The following NSMF variants were observed in gnomAD, a reference collection of about 807,000 sequenced individuals.
NSMF encodes the protein NMDA receptor synaptonuclear signaling and neuronal migration factor.
Under a neutral mutation model 71.0 loss-of-function variants are expected in NSMF, and 31 were observed. The observed-to-expected ratio is 0.44, with a 90% CI of 0.33 to 0.59. The LOEUF is 0.59. NSMF is among the 20% of genes least tolerant of loss of function. NSMF has a pLI of 0.04. For missense variants in NSMF, 673 were observed against 740.5 expected, an observed-to-expected ratio of 0.91 and a Z score of 1.06; for synonymous variants, 345 against 287.1, an observed-to-expected ratio of 1.20 and a Z score of -2.04.
intron 12 of NSMF, 67 bp downstream of exon 12, chr9:137,452,298 T>G: frequency 6.6e-7 from 1 of 1,513,746 alleles, no homozygotes; most frequent in Non-Finnish European, 9.1e-7. Context: ...CTTGACTTCT[T>G]CCCCTTGGTC....
rs368541435 is a variant in NSMF at position 137,453,891 on chromosome 9, G to A, written c.833-71C>T. On this transcript the variant is annotated intron_variant, in intron 7 of 15. Transcript: ENST00000371475. The surrounding 1 kb of genome is among the most constrained non-coding windows in gnomAD (Gnocchi z 4.5). ...TCGGGAGTCTCAGACCCCAGGCGAG[G>A]GGACCACAGGGGCCCTGGGCAGAGG... 86 of 1,286,854 alleles carry A rather than the reference G, an allele frequency of 6.7e-5. No individual in the cohort carries two copies. The highest frequency in any genetic ancestry group is 4.3e-4 in the East Asian group (17 of 39,764). The allele number at this position is 1,286,854 out of a possible 1,614,324, so 79.7% of individuals were successfully genotyped here.
At chr9:137,450,944 C>T (rs1431810461) in intron 12 of NSMF, among the ~76,000 whole-genome samples, 1 of 20,108 alleles carries the variant, frequency 5.0e-5, no homozygotes, top group Admixed American at 4.3e-4. Context: ...GCCTCTTCCC[C>T]TTGATCTTCC....
rs1263172322 is a variant in NSMF, at chr9:137,449,324, A to G, written c.*70T>C. 7.5e-7 allele frequency: 1 copy of G among 1,325,780 alleles called. No homozygotes were observed. Among genetic ancestry groups the G allele is most frequent in the Non-Finnish European group, 1.1e-6 (1 of 928,764 alleles). The allele number at this position is 1,325,780 out of a possible 1,614,324, so 82.1% of individuals were successfully genotyped here. A position where few individuals can be genotyped will look rare whatever the true frequency, so the allele number is the denominator to read the frequency against. Reference sequence around the variant, plus strand: ...GAGCCACACAGTCCCGGGGAGCACGAGGCGGCCCAGCCCCAGGTCCCGGTG... The same window carrying G: ...GAGCCACACAGTCCCGGGGAGCACGGGGCGGCCCAGCCCCAGGTCCCGGTG... On this transcript the variant is annotated 3_prime_UTR_variant, in exon 16 of 16. Coordinates refer to ENST00000371475, the MANE Select transcript of NSMF (RefSeq NM_001130969.3).
intron 7 of NSMF, 49 bp downstream of exon 7, chr9:137,454,342 C>A: frequency 6.5e-7 from 1 of 1,527,354 alleles, no homozygotes; most frequent in South Asian, 1.2e-5. Flanking sequence ...AAAGCCCCAA[C>A]CAGCCAAGCG....
Position 137,448,735 on chromosome 9 carries a change from C to G in NSMF, c.*659G>C, listed in dbSNP as rs1839729533. 6.4e-6 allele frequency: 1 copy of G among 155,384 alleles called. No individual in the cohort carries two copies. Among genetic ancestry groups the G allele is most frequent in the Non-Finnish European group, 1.4e-5 (1 of 70,166 alleles). The allele number at this position is 155,384 out of a possible 1,614,324, so 9.6% of individuals were successfully genotyped here. A position where few individuals can be genotyped will look rare whatever the true frequency, so the allele number is the denominator to read the frequency against. Reference sequence around the variant, plus strand: ...CAGACTGCCCCTACCGGGTCCGGCGCCGGCTGAGGTCTAAGTAAGCAGGGA... The same window carrying G: ...CAGACTGCCCCTACCGGGTCCGGCGGCGGCTGAGGTCTAAGTAAGCAGGGA... On this transcript the variant is annotated 3_prime_UTR_variant, in exon 16 of 16. Transcript: ENST00000371475. The surrounding 1 kb of genome is among the most constrained non-coding windows in gnomAD (Gnocchi z 5.3).
chr9:137,449,577 C>T (rs370767211), intron 15 of NSMF, 22 bp downstream of exon 15: 40 of 1,611,394 alleles, frequency 2.5e-5, no homozygotes, highest in Non-Finnish European at 3.1e-5. Context: ...TGCAGAGCTT[C>T]GGCCCAGCCT....
intron 6 of NSMF, chr9:137,454,766 T>G (rs1588504951): frequency 7.0e-7 from 1 of 1,419,460 alleles, no homozygotes; most frequent in Non-Finnish European, 9.3e-7. Flanking sequence ...TCCACGCCCA[T>G]GTGGCAGAGG....
chr9:137,457,557 T>TG lies in NSMF; in HGVS notation c.477dup (p.Ser160GlnfsTer32). The TG allele has an allele frequency of 6.3e-7, 1 of 1,589,102 alleles. No individual in the cohort carries two copies. The highest frequency in any genetic ancestry group is 8.6e-7 in the Non-Finnish European group (1 of 1,168,582). ...GGGCACTCCTTGGAGCCCTGGCGGC[T>TG]GCCCGCCCAGCTCTGGCAGGGCCTG... On this transcript the variant is annotated frameshift_variant, in exon 3 of 16. Transcript: ENST00000371475. LOFTEE classifies it high-confidence loss of function.
At position 137,456,457 on chromosome 9, in the gene NSMF, TG is replaced by T. The variant is rs770299644; in HGVS notation, c.657del (p.Lys220ArgfsTer38). On this transcript the variant is annotated frameshift_variant, in exon 4 of 16. Transcript: ENST00000371475. LOFTEE classifies it high-confidence loss of function. ...GTCTGGAAGCTGAAAAGATTTTCCT[TG>T]GGGAACCAGGTACGAATAGGGATGT... ...SDDIPIRTWF[P>X]KENLFSFQTA... The T allele has an allele frequency of 6.2e-7, 1 of 1,613,290 alleles. No individual in the cohort carries two copies. Among genetic ancestry groups the T allele is most frequent in the Non-Finnish European group, 8.5e-7 (1 of 1,179,752 alleles).
rs528661439 is a variant in NSMF at position 137,450,088 on chromosome 9, C to T, written c.1317-63G>A. On this transcript the variant is annotated intron_variant, in intron 13 of 15. Coordinates refer to ENST00000371475, the MANE Select transcript of NSMF (RefSeq NM_001130969.3). ...AGGCACCCCACTCCACAGAGCGGACCGTGGAGGAGGGGCTGTGGGGGAGGG... is the reference window on the plus strand; with the variant it reads ...AGGCACCCCACTCCACAGAGCGGACTGTGGAGGAGGGGCTGTGGGGGAGGG... The T allele has an allele frequency of 7.3e-5, 115 of 1,574,410 alleles. 2 individuals are homozygous for T. In the South Asian group the frequency reaches 7.8e-4, roughly 11 times the overall value.
Position 137,447,576 on chromosome 9 carries a change from A to G in NSMF, c.*1818T>C, listed in dbSNP as rs1839665452. 6.6e-6 allele frequency: 1 copy of G among 151,258 alleles called. No individual in the cohort carries two copies. Among genetic ancestry groups the G allele is most frequent in the South Asian group, 2.1e-4 (1 of 4,746 alleles). 9.4% of individuals were successfully genotyped at this position (151,258 alleles called of 1,614,324 possible). A position where few individuals can be genotyped will look rare whatever the true frequency, so the allele number is the denominator to read the frequency against. On this transcript the variant is annotated 3_prime_UTR_variant, in exon 16 of 16. Transcript: ENST00000371475. Reference sequence around the variant, plus strand: ...AACACAGAGTCTACAGGCATTTGGTATTTACCTAAAACTTTATACACTCAA... The same window carrying G: ...AACACAGAGTCTACAGGCATTTGGTGTTTACCTAAAACTTTATACACTCAA...
At chr9:137,458,916 C>T (rs1353516943) in intron 1 of NSMF, 116 bp downstream of exon 1, 9 of 802,564 alleles carry the variant, frequency 1.1e-5, no homozygotes, top group Non-Finnish European at 1.6e-5. Context: ...GGGGAGGGCG[C>T]CTCAGTGGCA....
chr9:137,449,756 CCT>C (rs1163920405), intron 14 of NSMF, 82 bp from the exon 15 acceptor site: 3 of 1,387,572 alleles, frequency 2.2e-6, no homozygotes, highest in Non-Finnish European at 3.0e-6. Flanking sequence ...CAGGGCCCAC[CCT>C]CTTTTTTCAG....
intron 9 of NSMF, 87 bp downstream of exon 9, chr9:137,452,969 C>A (rs569410964): frequency 1.9e-6 from 3 of 1,596,294 alleles, no homozygotes; most frequent in East Asian, 4.5e-5. Context: ...GAGAAGGCTG[C>A]GTGGTCCCAG....
chr9:137,456,179 T>C (rs1306227522), intron 4 of NSMF, among the ~76,000 whole-genome samples: 1 of 138,176 alleles, frequency 7.2e-6, no homozygotes, highest in African/African-American at 2.6e-5. Context: ...GCTGCAGCCC[T>C]GGGCCAGGTC....
At chr9:137,456,207 TGGG>T (rs375727289) in intron 4 of NSMF, among the ~76,000 whole-genome samples, 1 of 103,120 alleles carries the variant, frequency 9.7e-6, no homozygotes, top group African/African-American at 3.5e-5. Flanking sequence ...TGTGTGTGTG[TGGG>T]GGGGGGGGCT....
chr9:137,447,897 A>C lies in NSMF; in HGVS notation c.*1497T>G, dbSNP rs1050334795. Reference sequence around the variant, plus strand: ...GCCCCCATCTGTGGCCACACTGCTGACTGCACACACAGTGTGGCGTGAGGG... The same window carrying C: ...GCCCCCATCTGTGGCCACACTGCTGCCTGCACACACAGTGTGGCGTGAGGG... On this transcript the variant is annotated 3_prime_UTR_variant, in exon 16 of 16. Transcript: ENST00000371475. 6.6e-6 allele frequency: 1 copy of C among 152,080 alleles called. No individual in the cohort carries two copies. Among genetic ancestry groups the C allele is most frequent in the Admixed American group, 6.5e-5 (1 of 15,278 alleles). 9.4% of individuals were successfully genotyped at this position (152,080 alleles called of 1,614,324 possible). A position where few individuals can be genotyped will look rare whatever the true frequency, so the allele number is the denominator to read the frequency against.
rs1233524043 is a variant in NSMF at position 137,457,970 on chromosome 9, G to A, written c.134-69C>T. Reference sequence around the variant, plus strand: ...CCCGCTGCCGGTTTCATAGCAGGCCGAAGGCAGAGAACACCCAGTGGGCAC... The same window carrying A: ...CCCGCTGCCGGTTTCATAGCAGGCCAAAGGCAGAGAACACCCAGTGGGCAC... On this transcript the variant is annotated intron_variant, in intron 2 of 15. Transcript: ENST00000371475. The A allele has an allele frequency of 2.5e-5, 38 of 1,532,970 alleles. No individual in the cohort carries two copies. In the Admixed American group the frequency reaches 3.7e-4, roughly 15 times the overall value. 95.0% of individuals were successfully genotyped at this position (1,532,970 alleles called of 1,614,324 possible).
In NSMF at chr9:137,449,291, C is replaced by A; in HGVS notation, c.*103G>T. On this transcript the variant is annotated 3_prime_UTR_variant, in exon 16 of 16. Transcript: ENST00000371475. ...TGAGGTGCCCTGAAGTGGCTCCAGGCGAGACCGGAGCCACACAGTCCCGGG... is the reference window on the plus strand; with the variant it reads ...TGAGGTGCCCTGAAGTGGCTCCAGGAGAGACCGGAGCCACACAGTCCCGGG... The A allele has an allele frequency of 1.0e-6, 1 of 988,544 alleles. No individual in the cohort carries two copies. The highest frequency in any genetic ancestry group is 1.6e-6 in the Non-Finnish European group (1 of 639,996). The allele number at this position is 988,544 out of a possible 1,614,324, so 61.2% of individuals were successfully genotyped here. A position where few individuals can be genotyped will look rare whatever the true frequency, so the allele number is the denominator to read the frequency against.
Sources: gnomAD v4.1 joint callset for allele counts (sites outside exome capture counted in the v4.1 genomes callset) on GRCh38, gnomAD v4.1.1 for gene constraint, Gnocchi (gnomAD v3.1) non-coding constraint, MANE v1.5 for transcripts, NCBI Gene and HGNC (gene_info 2026-07-23, HGNC 2026-07-21) for gene names.